Variants in NUDT3 observed in about 807,000 individuals in gnomAD.
NUDT3 encodes the protein diphosphoinositol polyphosphate phosphohydrolase 1.
A neutral mutation model predicts 23.6 loss-of-function variants in NUDT3; 9 were observed. The observed-to-expected ratio is 0.38, with a 90% CI of 0.23 to 0.66. NUDT3 has a LOEUF of 0.66. Among genes scored for constraint, NUDT3 ranks in the 30% least tolerant of loss-of-function variants. The pLI is 0.52. For missense variants in NUDT3, 172 were observed against 218.5 expected, an observed-to-expected ratio of 0.79 and a Z score of 1.34; for synonymous variants, 86 against 82.6, an observed-to-expected ratio of 1.04 and a Z score of -0.22.
intron 1 of NUDT3, among the ~76,000 whole-genome samples, chr6:34,382,347 G>A (rs1477330927): frequency 1.3e-5 from 2 of 152,094 alleles, no homozygotes; most frequent in African/African-American, 4.8e-5. Context: ...GGGCTGCATT[G>A]AGCTATGATC....
intron 2 of NUDT3, among the ~76,000 whole-genome samples, chr6:34,300,903 T>C (rs1561900021): frequency 6.6e-6 from 1 of 152,222 alleles, no homozygotes; most frequent in Non-Finnish European, 1.5e-5. Flanking sequence ...AAAATGGTGT[T>C]TATTATTCTC....
At chr6:34,314,583 C>T (rs1763830882) in intron 2 of NUDT3, among the ~76,000 whole-genome samples, 1 of 151,490 alleles carries the variant, frequency 6.6e-6, no homozygotes, top group South Asian at 2.1e-4. Flanking sequence ...AAATTAAACC[C>T]TAATGCCAAA....
chr6:34,389,062 G>C (rs1765153674), intron 1 of NUDT3, among the ~76,000 whole-genome samples: 1 of 152,178 alleles, frequency 6.6e-6, no homozygotes, highest in Admixed American at 6.5e-5. Context: ...GAGCCCAGGA[G>C]TTTGACAATA....
At chr6:34,302,438 G>A (rs889099260) in intron 2 of NUDT3, among the ~76,000 whole-genome samples, 11 of 152,110 alleles carry the variant, frequency 7.2e-5, no homozygotes, top group Non-Finnish European at 1.6e-4. Flanking sequence ...TCTTGTTTAA[G>A]AAACACATCC....
intron 2 of NUDT3, among the ~76,000 whole-genome samples, chr6:34,297,539 G>C (rs937825935): frequency 1.4e-5 from 2 of 146,168 alleles, no homozygotes; most frequent in Non-Finnish European, 1.5e-5. Flanking sequence ...ACAGAGGTAA[G>C]AAAAGTCATT....
chr6:34,289,046 T>C (rs1763377872), intron 4 of NUDT3, 115 bp from the exon 5 acceptor site: 3 of 1,312,714 alleles, frequency 2.3e-6, no homozygotes, highest in South Asian at 3.4e-5. Context: ...TTTTTTTCCT[T>C]ACAAAAATAA....
In NUDT3 at chr6:34,390,258, C is replaced by A. The variant is rs187457027; in HGVS notation, c.99+2006G>T. The stretch of plus-strand genomic sequence containing the variant: ...GCAGTGAGCCAAGATGGGGCCACTG[C>A]ACTCCAGCCTGGGCGACATAGCAAG... On this transcript the variant is annotated intron_variant, in intron 1 of 4. Transcript: ENST00000607016. Among the ~76,000 whole-genome samples, 108 of 151,426 alleles carry A rather than the reference C, an allele frequency of 7.1e-4. 1 individual carries two copies. In the Middle Eastern group the frequency reaches 0.017, roughly 24 times the overall value.
chr6:34,288,863 C>A lies in NUDT3; in HGVS notation c.409G>T (p.Ala137Ser), dbSNP rs1351684355. 18 of 1,613,934 alleles carry A rather than the reference C, an allele frequency of 1.1e-5. No individual in the cohort carries two copies. The highest frequency in any genetic ancestry group is 4.5e-5 in the East Asian group (2 of 44,882). Residue 137 changes from alanine (A) to serine (S), a missense_variant, in exon 5 of 5, where the codon GCA (alanine) becomes TCA (serine). Physicochemically the swap from Ala to Ser is moderately conservative, Grantham distance 99. Coordinates refer to ENST00000607016, the MANE Select transcript of NUDT3 (RefSeq NM_006703.4). The stretch of plus-strand genomic sequence containing the variant: ...TGCCTCAATGTTTCAAAATATGATG[C>A]CTGCACGGGTTTGTGATACTGCAGC... ...KVLQYHKPVQ[A>S]SYFETLRQGY...
rs139428050 is a variant in NUDT3 at position 34,350,946 on chromosome 6, T to A, written c.100-8974A>T. Among the ~76,000 whole-genome samples, 84 of 150,354 alleles carry A rather than the reference T, an allele frequency of 5.6e-4. 3 individuals are homozygous for A. In the East Asian group the frequency reaches 0.014, roughly 25 times the overall value. ...TATTTTAAGAACAATATGAAAAGGT[T>A]TCCACAGATACAAACTATTACACAG... is the stretch of plus-strand genomic sequence containing the variant. On this transcript the variant is annotated intron_variant, in intron 1 of 4. Transcript: ENST00000607016.
chr6:34,366,638 G>A (rs1287300863), intron 1 of NUDT3, among the ~76,000 whole-genome samples: 5 of 151,384 alleles, frequency 3.3e-5, no homozygotes, highest in Non-Finnish European at 7.4e-5. Flanking sequence ...GCTCACTGCA[G>A]CCTCGACCTC....
In NUDT3 at chr6:34,351,764, A is replaced by G. The variant is rs565936054; in HGVS notation, c.100-9792T>C. Among the ~76,000 whole-genome samples the G allele has an allele frequency of 7.4e-5, 11 of 149,590 alleles. No individual in the cohort carries two copies. In the South Asian group the frequency reaches 2.3e-3, roughly 31 times the overall value. Reference sequence around the variant, plus strand: ...CTCAAAAAAAAAAAAAAAAAAAAAGAAATAGAAAAAATATACATACACACA... The same window carrying G: ...CTCAAAAAAAAAAAAAAAAAAAAAGGAATAGAAAAAATATACATACACACA... On this transcript the variant is annotated intron_variant, in intron 1 of 4. Coordinates refer to ENST00000607016, the MANE Select transcript of NUDT3 (RefSeq NM_006703.4).
At chr6:34,294,151 A>G (rs1271956293) in intron 3 of NUDT3, among the ~76,000 whole-genome samples, 1 of 151,936 alleles carries the variant, frequency 6.6e-6, no homozygotes, top group Non-Finnish European at 1.5e-5. Context: ...ATGCCCTGCT[A>G]ATTTTTGTAT....
chr6:34,314,946 T>A (rs1163860270), intron 2 of NUDT3, among the ~76,000 whole-genome samples: 1 of 152,188 alleles, frequency 6.6e-6, no homozygotes, highest in Non-Finnish European at 1.5e-5. Flanking sequence ...AGCACCAGGA[T>A]TAGAACCTAG....
chr6:34,349,789 T>C (rs1205858798), intron 1 of NUDT3, among the ~76,000 whole-genome samples: 3 of 150,672 alleles, frequency 2.0e-5, no homozygotes, highest in Non-Finnish European at 4.4e-5. Context: ...ATACTCTCCT[T>C]AAATAAATTA....
chr6:34,299,732 C>T lies in NUDT3; in HGVS notation c.211-4047G>A, dbSNP rs147687050. The stretch of plus-strand genomic sequence containing the variant: ...ACCAGCCTGGCCAACACGGCAAAAC[C>T]CCATCTCTACTAAAAACACAAAAAT... On this transcript the variant is annotated intron_variant, in intron 2 of 4. Transcript: ENST00000607016. Among the ~76,000 whole-genome samples the T allele has an allele frequency of 6.2e-3, 939 of 151,398 alleles. 5 individuals carry two copies. Among genetic ancestry groups the T allele is most frequent in the African/African-American group, 0.02 (818 of 41,248 alleles).
At chr6:34,388,379 CT>C (rs1765143895) in intron 1 of NUDT3, among the ~76,000 whole-genome samples, 1 of 152,118 alleles carries the variant, frequency 6.6e-6, no homozygotes, top group African/African-American at 2.4e-5. Context: ...TATATTACTA[CT>C]GTATTAATGC....
At position 34,298,157 on chromosome 6, in the gene NUDT3, T is replaced by A. The variant is rs151224242; in HGVS notation, c.211-2472A>T. On this transcript the variant is annotated intron_variant, in intron 2 of 4. Coordinates refer to ENST00000607016, the MANE Select transcript of NUDT3 (RefSeq NM_006703.4). ...TAGGTGGACTGCTTGAGCCCAAGAG[T>A]TCGAGACCAGCCTGGGCAATAAGGT... Among the ~76,000 whole-genome samples the A allele has an allele frequency of 9.6e-3, 1,451 of 151,736 alleles. 97 individuals carry two copies. The highest frequency in any genetic ancestry group is 0.089 in the Admixed American group (1,350 of 15,222).
At chr6:34,392,057 G>A (rs572716271) in intron 1 of NUDT3, among the ~76,000 whole-genome samples, 4 of 152,238 alleles carry the variant, frequency 2.6e-5, no homozygotes, top group African/African-American at 4.8e-5. Flanking sequence ...GGCGCGCCCT[G>A]TGCAGCCGCA....
At chr6:34,295,907 T>C (rs1245498475) in intron 2 of NUDT3, among the ~76,000 whole-genome samples, 5 of 152,196 alleles carry the variant, frequency 3.3e-5, no homozygotes, top group Admixed American at 6.5e-5. Context: ...CTTTCATTTC[T>C]TCTGGTCTCT....
Sources: allele counts gnomAD v4.1 joint callset (sites outside exome capture counted in the v4.1 genomes callset), GRCh38; gene constraint gnomAD v4.1.1; transcripts MANE v1.5; gene names NCBI Gene and HGNC (gene_info 2026-07-23, HGNC 2026-07-21).